Variants in GYG2 observed in about 807,000 individuals in gnomAD.
The protein encoded by GYG2 is glycogenin-2.
Under a neutral mutation model 29.4 loss-of-function variants are expected in GYG2, and 29 were observed. The ratio of observed to expected loss-of-function variants is 0.99; its 90% CI spans 0.74 to 1.35. The LOEUF (loss-of-function observed/expected upper bound fraction) is 1.35. Ranked by LOEUF, GYG2 falls within the 40% of genes most tolerant of loss-of-function variation. GYG2 has a pLI of 0.00. For synonymous variants in GYG2, 167 were observed against 172.3 expected (o/e 0.97, Z 0.24); for missense variants, 370 against 385.7 (o/e 0.96, Z 0.34).
chrX:2,881,761 T>A lies in GYG2; in HGVS notation c.*548T>A, dbSNP rs1353058921. ...TGGCGAAGTGTATCTGAGAAACACC[T>A]CGGCTGTGGTCTCTCTGCTTTAAAT... is the stretch of plus-strand genomic sequence containing the variant. On this transcript the variant is annotated 3_prime_UTR_variant, in exon 11 of 11. Transcript: ENST00000398806. 9.0e-6 allele frequency: 1 copy of A among 111,719 alleles called. No individual in the cohort carries two copies. Among genetic ancestry groups the A allele is most frequent in the African/African-American group, 3.3e-5 (1 of 30,708 alleles). 9.2% of individuals were successfully genotyped at this position (111,719 alleles called of 1,213,427 possible). A position where few individuals can be genotyped will look rare whatever the true frequency, so the allele number is the denominator to read the frequency against.
intron 2 of GYG2, among the ~76,000 whole-genome samples, chrX:2,839,323 G>C (rs2087446874): frequency 9.0e-6 from 1 of 111,029 alleles, no homozygotes; most frequent in African/African-American, 3.3e-5. Context: ...GTTGGCTTGG[G>C]GTTCACACTT....
rs185977467 is a variant in GYG2 at position 2,829,926 on chromosome X, G to C, written c.-128-135G>C. ...GAGCGCCAAGGAGGAAGTGCGGGGC[G>C]TGGAGGTCGCAGGGGCATCGGGGGA... On this transcript the variant is annotated intron_variant, in intron 1 of 10. Coordinates refer to ENST00000398806, the MANE Select transcript of GYG2 (RefSeq NM_001079855.2). 1.1e-3 allele frequency: 447 copies of C among 399,786 alleles called. 2 individuals carry two copies. The highest frequency in any genetic ancestry group is 8.4e-3 in the African/African-American group (320 of 38,237). 32.9% of individuals were successfully genotyped at this position (399,786 alleles called of 1,213,427 possible).
chrX:2,829,970 C>T, intron 1 of GYG2, 91 bp from the exon 2 acceptor site: 1 of 419,409 alleles, frequency 2.4e-6, no homozygotes. Context: ...CCCCGTGGGG[C>T]GCAGGTGACA....
rs1407048425 is a variant in GYG2 at position 2,846,055 on chromosome X, A to T, written c.149+2701A>T. On this transcript the variant is annotated intron_variant, in intron 3 of 10. Coordinates refer to ENST00000398806, the MANE Select transcript of GYG2 (RefSeq NM_001079855.2). Reference sequence around the variant, plus strand: ...TATACACATATATATATATATATATATTTTTTTTTTTTTTTTTTTTTTTTT... The same window carrying T: ...TATACACATATATATATATATATATTTTTTTTTTTTTTTTTTTTTTTTTTT... Among the ~76,000 whole-genome samples the T allele has an allele frequency of 2.6e-3, 99 of 38,654 alleles. 2 individuals are homozygous for T. Among genetic ancestry groups the T allele is most frequent in the South Asian group, 8.2e-3 (3 of 365 alleles). The allele number at this position is 38,654 out of a possible 115,157, so 33.6% of individuals were successfully genotyped here.
At chrX:2,865,102 C>T (rs1250289529) in intron 8 of GYG2, among the ~76,000 whole-genome samples, 1 of 111,592 alleles carries the variant, frequency 9.0e-6, no homozygotes, top group Admixed American at 9.6e-5. Context: ...ACAGTGAGCA[C>T]TCCCTCATTC....
At position 2,881,503 on chromosome X, in the gene GYG2, C is replaced by T. The variant is rs1449698301; in HGVS notation, c.*290C>T. ...CAGTAATAACATTCTAGTAGACTCT[C>T]GATGGTGGTCTCCGCTCTTGCCCGA... On this transcript the variant is annotated 3_prime_UTR_variant, in exon 11 of 11. Transcript: ENST00000398806. 3 of 231,224 alleles carry T rather than the reference C, an allele frequency of 1.3e-5. No individual in the cohort carries two copies. The highest frequency in any genetic ancestry group is 2.3e-5 in the Non-Finnish European group (3 of 130,869). The allele number at this position is 231,224 out of a possible 1,213,427, so 19.1% of individuals were successfully genotyped here. A position where few individuals can be genotyped will look rare whatever the true frequency, so the allele number is the denominator to read the frequency against.
intron 2 of GYG2, among the ~76,000 whole-genome samples, chrX:2,841,405 T>C (rs1176880173): frequency 9.2e-6 from 1 of 109,117 alleles, no homozygotes; most frequent in Non-Finnish European, 1.9e-5. Context: ...AGATGATAGA[T>C]AAATAGATGA....
chrX:2,868,933 C>G (rs749580942), intron 8 of GYG2, among the ~76,000 whole-genome samples: 5 of 110,264 alleles, frequency 4.5e-5, no homozygotes, highest in Non-Finnish European at 9.5e-5. Flanking sequence ...TTTGATAACA[C>G]TGAACAAGGA....
chrX:2,835,802 G>C (rs1569051417), intron 2 of GYG2, among the ~76,000 whole-genome samples: 1 of 111,238 alleles, frequency 9.0e-6, no homozygotes. Context: ...TCTCACAGCA[G>C]CCCCAGGAAG....
At chrX:2,880,047 G>T (rs1456278066) in intron 10 of GYG2, among the ~76,000 whole-genome samples, 1 of 111,995 alleles carries the variant, frequency 8.9e-6, no homozygotes, top group Non-Finnish European at 1.9e-5. Flanking sequence ...AGATGTGTGT[G>T]TGTCTATTAT....
intron 3 of GYG2, among the ~76,000 whole-genome samples, chrX:2,845,717 A>ATATTTATGCATGTGTACGTATATT (rs1452852476): frequency 4.7e-5 from 5 of 105,589 alleles, no homozygotes; most frequent in African/African-American, 1.7e-4. Flanking sequence ...GTATGTACAT[A>ATATTTATGCATGTGTACGTATATT]TATTTATGCA....
At chrX:2,876,670 C>T (rs753982199) in intron 9 of GYG2, among the ~76,000 whole-genome samples, 12 of 110,608 alleles carry the variant, frequency 1.1e-4, no homozygotes, top group African/African-American at 3.9e-4. Context: ...ATTATAGTGC[C>T]GGCCGCGGTG....
At position 2,856,795 on chromosome X, in the gene GYG2, CT is replaced by C. The variant is rs5901211; in HGVS notation, c.614+172del. 0.14 allele frequency among the ~76,000 whole-genome samples: 9,568 copies of C among 69,547 alleles called. 595 individuals carry two copies. Among genetic ancestry groups the C allele is most frequent in the East Asian group, 0.39 (774 of 1,986 alleles). 60.4% of individuals were successfully genotyped at this position (69,547 alleles called of 115,157 possible). A position where few individuals can be genotyped will look rare whatever the true frequency, so the allele number is the denominator to read the frequency against. ...ATCTATCTATCTATCTATCATCTAT[CT>C]ATCATCTATCTATCTATCACCTCTA... On this transcript the variant is annotated intron_variant, in intron 6 of 10. Transcript: ENST00000398806.
rs185645448 is a variant in GYG2, at chrX:2,836,981, C to T, written c.8-6232C>T. On this transcript the variant is annotated intron_variant, in intron 2 of 10. Transcript: ENST00000398806. ...GACCTTCTCTCAAAAACCACCACCA[C>T]CACAACGTAATGAACAACCCCAACA... 2.7e-3 allele frequency among the ~76,000 whole-genome samples: 296 copies of T among 111,127 alleles called. 1 individual carries two copies. Among genetic ancestry groups the T allele is most frequent in the African/African-American group, 9.1e-3 (278 of 30,581 alleles).
intron 8 of GYG2, among the ~76,000 whole-genome samples, chrX:2,870,100 G>GT (rs201814696): frequency 2.2e-3 from 221 of 100,617 alleles, no homozygotes; most frequent in Admixed American, 1.9e-3. Context: ...ATGTCCTTCA[G>GT]TTTTTTTTTT....
At chrX:2,842,365 T>A (rs1353666900) in intron 2 of GYG2, among the ~76,000 whole-genome samples, 6 of 108,723 alleles carry the variant, frequency 5.5e-5, no homozygotes, top group African/African-American at 2.0e-4. Flanking sequence ...TGGCTAATTT[T>A]TTTTTTTTTC....
At chrX:2,837,982 A>G (rs1250720615) in intron 2 of GYG2, among the ~76,000 whole-genome samples, 2 of 109,489 alleles carry the variant, frequency 1.8e-5, no homozygotes, top group African/African-American at 6.7e-5. Flanking sequence ...GGGTCAAACA[A>G]TCCTGCCGTC....
At position 2,859,837 on chromosome X, in the gene GYG2, T is replaced by A; in HGVS notation, c.615-6T>A. On this transcript the variant is annotated splice_polypyrimidine_tract_variant and splice_region_variant and intron_variant, in intron 6 of 10. Transcript: ENST00000398806. Reference sequence around the variant, plus strand: ...GAAATCAGAATCCCTTCTGTTTCCTTCTCAGATTCGGTTCCAGTGCAAAGG... The same window carrying A: ...GAAATCAGAATCCCTTCTGTTTCCTACTCAGATTCGGTTCCAGTGCAAAGG... 1 of 1,147,954 alleles carries A rather than the reference T, an allele frequency of 8.7e-7. No homozygotes were observed. The allele number at this position is 1,147,954 out of a possible 1,213,427, so 94.6% of individuals were successfully genotyped here. A position where few individuals can be genotyped will look rare whatever the true frequency, so the allele number is the denominator to read the frequency against.
intron 2 of GYG2, among the ~76,000 whole-genome samples, chrX:2,831,820 G>A (rs1219771646): frequency 8.9e-6 from 1 of 112,020 alleles, no homozygotes; most frequent in Non-Finnish European, 1.9e-5. Flanking sequence ...GGGCAGGCAA[G>A]GGGTAGAAAG....
Sources: gnomAD v4.1 joint callset for allele counts (sites outside exome capture counted in the v4.1 genomes callset) on GRCh38, gnomAD v4.1.1 for gene constraint, MANE v1.5 for transcripts, NCBI Gene and HGNC (gene_info 2026-07-23, HGNC 2026-07-21) for gene names.